SRRM2: variants seen among roughly 807,000 people sequenced by gnomAD.
The protein encoded by SRRM2 is serine/arginine repetitive matrix 2, also known as serine/arginine repetitive matrix protein 2.
A neutral mutation model predicts 213.8 loss-of-function variants in SRRM2; 30 were observed. That is an observed-to-expected ratio of 0.14 (90% confidence interval 0.10 to 0.19). The LOEUF (loss-of-function observed/expected upper bound fraction) is 0.19. Among genes scored for constraint, SRRM2 ranks in the 10% least tolerant of loss-of-function variants. SRRM2 has a pLI of 1.00. For synonymous variants in SRRM2, 2,025 were observed against 1,377.7 expected (o/e 1.47, Z -10.40); for missense variants, 4,904 against 3,647.0 (o/e 1.34, Z -8.88).
At chr16:2,752,989 C>G (rs1041747845) in intron 1 of SRRM2, 143 bp downstream of exon 1, 28 of 153,482 alleles carry the variant, frequency 1.8e-4, no homozygotes, top group Admixed American at 1.0e-3. Context: ...CGCGGACGCC[C>G]TCGCCTCCCT....
In SRRM2 at chr16:2,764,415, T is replaced by G. The variant is rs779286264; in HGVS notation, c.3887T>G (p.Val1296Gly). ...QSQSQASLEAVEVPSMASSWG... is the reference protein window; with the variant it reads ...QSQSQASLEAGEVPSMASSWG... ...CAGTCACAGGCTTCTTTGGAAGCAG[T>G]AGAAGTCCCTTCAATGGCCTCATCT... is the stretch of plus-strand genomic sequence containing the variant. The change falls in exon 11 of 15, where the codon GTA (valine) becomes GGA (glycine). Residue 1296 changes from valine (V) to glycine (G), a missense_variant. Coordinates refer to ENST00000301740, the MANE Select transcript of SRRM2 (RefSeq NM_016333.4). 3 of 1,613,184 alleles carry G rather than the reference T, an allele frequency of 1.9e-6. No homozygotes were observed. The highest frequency in any genetic ancestry group is 2.2e-5 in the South Asian group (2 of 90,892).
At position 2,763,242 on chromosome 16, in the gene SRRM2, C is replaced by T. The variant is rs2068424841; in HGVS notation, c.2714C>T (p.Pro905Leu). The change falls in exon 11 of 15, where the codon CCC becomes CTC. Residue 905 changes from proline to leucine, a missense_variant. Physicochemically the swap from Pro to Leu is moderately conservative, Grantham distance 98 (BLOSUM62 -3). Transcript: ENST00000301740. ...SPPRVKSSTP[P>L]RQSPSRSSSP... ...CCTAGAGTGAAATCTAGCACACCTC[C>T]CAGACAGAGCCCATCTAGGTCATCA... The T allele has an allele frequency of 1.9e-6, 3 of 1,614,124 alleles. No individual in the cohort carries two copies. Among genetic ancestry groups the T allele is most frequent in the Non-Finnish European group, 2.5e-6 (3 of 1,180,024 alleles).
At position 2,764,275 on chromosome 16, in the gene SRRM2, A is replaced by G; in HGVS notation, c.3747A>G (p.Ala1249=). The change falls in exon 11 of 15, where the codon GCA becomes GCG. Residue 1249 remains alanine, a synonymous_variant. Transcript: ENST00000301740. ...MEVVEKSEEP[A]GQILSHLSSE... The stretch of plus-strand genomic sequence containing the variant: ...TGGTAGAGAAGTCTGAAGAACCCGC[A>G]GGCCAAATCCTGTCTCATTTGTCTT... The G allele has an allele frequency of 6.2e-7, 1 of 1,613,958 alleles. No individual in the cohort carries two copies. The highest frequency in any genetic ancestry group is 8.5e-7 in the Non-Finnish European group (1 of 1,179,976).
At position 2,762,558 on chromosome 16, in the gene SRRM2, G is replaced by T; in HGVS notation, c.2030G>T (p.Arg677Leu). 1 of 1,613,802 alleles carries T rather than the reference G, an allele frequency of 6.2e-7. No homozygotes were observed. Among genetic ancestry groups the T allele is most frequent in the Non-Finnish European group, 8.5e-7 (1 of 1,179,970 alleles). The stretch of plus-strand genomic sequence containing the variant: ...TCACGCTCTAGAACCCCAGCTAGAC[G>T]CAGTGGTCGCTCACGCTCCAGAACA... The part of the protein sequence containing the change: ...GRSRSRTPAR[R>L]SGRSRSRTPA... Residue 677 changes from arginine (R) to leucine (L), a missense_variant, in exon 11 of 15, where the codon CGC becomes CTC. Arg to Leu is a moderately radical substitution (Grantham distance 102, BLOSUM62 -2). Transcript: ENST00000301740.
At chr16:2,758,236 C>A (rs1473417657) in intron 4 of SRRM2, among the ~76,000 whole-genome samples, 1 of 152,152 alleles carries the variant, frequency 6.6e-6, no homozygotes, top group African/African-American at 2.4e-5. Context: ...TGGTTGGTGG[C>A]ACATGCCTGT....
rs1288757768 is a variant in SRRM2, at chr16:2,768,206, T to G, written c.7678T>G (p.Ser2560Ala). 3 of 1,604,004 alleles carry G rather than the reference T, an allele frequency of 1.9e-6. No individual in the cohort carries two copies. The highest frequency in any genetic ancestry group is 2.6e-6 in the Non-Finnish European group (3 of 1,174,630). Residue 2560 changes from serine to alanine, a missense_variant, in exon 11 of 15, where the codon TCT becomes GCT. Coordinates refer to ENST00000301740, the MANE Select transcript of SRRM2 (RefSeq NM_016333.4). The stretch of plus-strand genomic sequence containing the variant: ...GTCCTCCTCCTCCTCTGGCTCCAGT[T>G]CTAGTGACTCAGAGGGCTCTAGCCT... ...SSSSSSSGSS[S>A]SDSEGSSLPV...
chr16:2,765,165 A>T lies in SRRM2; in HGVS notation c.4637A>T (p.Asp1546Val). ...RSRSGSSQEL[D>V]VKPSASPQER... is the part of the protein sequence containing the mutation. ...CGTTCGGGATCCTCTCAAGAACTTG[A>T]TGTGAAACCCAGTGCATCCCCTCAG... The change falls in exon 11 of 15, where the codon GAT (aspartate) becomes GTT (valine). Residue 1546 changes from aspartate (D) to valine (V), a missense_variant. By Grantham distance (152) the Asp-to-Val change is radical (BLOSUM62 -3). Coordinates refer to ENST00000301740, the MANE Select transcript of SRRM2 (RefSeq NM_016333.4). 2 of 1,614,200 alleles carry T rather than the reference A, an allele frequency of 1.2e-6. No individual in the cohort carries two copies. Among genetic ancestry groups the T allele is most frequent in the African/African-American group, 1.3e-5 (1 of 75,042 alleles).
chr16:2,768,410 C>T (rs2068620177), intron 11 of SRRM2, 149 bp downstream of exon 11: 1 of 853,432 alleles, frequency 1.2e-6, no homozygotes, highest in Non-Finnish European at 1.8e-6. Context: ...GAAGAGAATG[C>T]TGGGGCAGGG....
At position 2,771,368 on chromosome 16, in the gene SRRM2, GC is replaced by G; in HGVS notation, c.*502del. 1 of 1,597,100 alleles carries G rather than the reference GC, an allele frequency of 6.3e-7. No homozygotes were observed. The highest frequency in any genetic ancestry group is 8.6e-7 in the Non-Finnish European group (1 of 1,165,578). On this transcript the variant is annotated 3_prime_UTR_variant, in exon 15 of 15. Coordinates refer to ENST00000301740, the MANE Select transcript of SRRM2 (RefSeq NM_016333.4). ...ATTTTGGTTTTTTAAAATCTGTACAGCAAGAGCAACTTTTTCTGTCAAATAA... is the reference window on the plus strand; with the variant it reads ...ATTTTGGTTTTTTAAAATCTGTACAGAAGAGCAACTTTTTCTGTCAAATAA...
rs765710759 is a variant in SRRM2, at chr16:2,768,133, G to C, written c.7605G>C (p.Ser2535=). The C allele has an allele frequency of 5.3e-5, 86 of 1,612,866 alleles. No individual in the cohort carries two copies. Among genetic ancestry groups the C allele is most frequent in the East Asian group, 3.3e-4 (15 of 44,862 alleles). The stretch of plus-strand genomic sequence containing the variant: ...CAAAGGAGCGGCGGAGTTCCTCCTC[G>C]TCGTCGTCGTCCTCTAGCTCCTCCT... ...QPAKERRSSS[S]SSSSSSSSSS... The change falls in exon 11 of 15, where the codon TCG becomes TCC. Residue 2535 remains serine, a synonymous_variant. Coordinates refer to ENST00000301740, the MANE Select transcript of SRRM2 (RefSeq NM_016333.4).
chr16:2,767,776 A>G lies in SRRM2; in HGVS notation c.7248A>G (p.Gln2416=), dbSNP rs1282684912. ...GAACACCACCGTCTGCCCCAAGCCA[A>G]TCTAGGATGACCTCTGAACGGGCTC... ...RSRTPPSAPS[Q]SRMTSERAPS... is the part of the protein sequence containing the mutation. Residue 2416 remains glutamine, a synonymous_variant, in exon 11 of 15, where the codon CAA becomes CAG. Coordinates refer to ENST00000301740, the MANE Select transcript of SRRM2 (RefSeq NM_016333.4). The G allele has an allele frequency of 2.5e-6, 4 of 1,613,478 alleles. No individual in the cohort carries two copies. Among genetic ancestry groups the G allele is most frequent in the Admixed American group, 3.3e-5 (2 of 59,934 alleles).
chr16:2,770,784 T>C, intron 14 of SRRM2, 67 bp downstream of exon 14: 1 of 1,610,078 alleles, frequency 6.2e-7, no homozygotes, highest in Admixed American at 1.7e-5. Context: ...GCGGCCCCAT[T>C]TTGGGAGTGG....
rs1275682792 is a variant in SRRM2 at position 2,767,162 on chromosome 16, C to G, written c.6634C>G (p.Pro2212Ala). The change falls in exon 11 of 15, where the codon CCA becomes GCA. Residue 2212 changes from proline to alanine, a missense_variant. Pro to Ala is a conservative substitution (Grantham distance 27, BLOSUM62 -1). Coordinates refer to ENST00000301740, the MANE Select transcript of SRRM2 (RefSeq NM_016333.4). Reference protein sequence around the residue: ...AGLAARMSQVPAPVPLMSLRT... With the variant: ...AGLAARMSQVAAPVPLMSLRT... ...CCTTGCTGCAAGAATGTCCCAGGTT[C>G]CAGCCCCGGTGCCTCTCATGAGTCT... 6.2e-7 allele frequency: 1 copy of G among 1,614,226 alleles called. No homozygotes were observed. The highest frequency in any genetic ancestry group is 1.7e-5 in the Admixed American group (1 of 60,036).
chr16:2,767,889 C>G lies in SRRM2; in HGVS notation c.7361C>G (p.Ala2454Gly), dbSNP rs541442217. The change falls in exon 11 of 15, where the codon GCT (alanine) becomes GGT (glycine). Residue 2454 changes from alanine to glycine, a missense_variant. Coordinates refer to ENST00000301740, the MANE Select transcript of SRRM2 (RefSeq NM_016333.4). ...QDQPRSPVPS[A>G]FSDQSRCLIA... Reference sequence around the variant, plus strand: ...CAGCCGAGGTCTCCTGTGCCTTCTGCTTTTTCAGACCAATCCCGTTGTTTG... The same window carrying G: ...CAGCCGAGGTCTCCTGTGCCTTCTGGTTTTTCAGACCAATCCCGTTGTTTG... The G allele has an allele frequency of 3.7e-6, 6 of 1,614,148 alleles. No individual in the cohort carries two copies. The East Asian group carries it at 6.7e-5, about 18-fold the overall frequency.
chr16:2,764,272 C>G lies in SRRM2; in HGVS notation c.3744C>G (p.Pro1248=). ...AGGTGGTAGAGAAGTCTGAAGAACC[C>G]GCAGGCCAAATCCTGTCTCATTTGT... ...LMEVVEKSEE[P]AGQILSHLSS... The change falls in exon 11 of 15, where the codon CCC becomes CCG. Residue 1248 remains proline (P), a synonymous_variant. Coordinates refer to ENST00000301740, the MANE Select transcript of SRRM2 (RefSeq NM_016333.4). 6.2e-7 allele frequency: 1 copy of G among 1,613,862 alleles called. No individual in the cohort carries two copies. Among genetic ancestry groups the G allele is most frequent in the African/African-American group, 1.3e-5 (1 of 75,002 alleles).
At position 2,766,393 on chromosome 16, in the gene SRRM2, C is replaced by G; in HGVS notation, c.5865C>G (p.Arg1955=). ...RSRSRTPPVT[R]RRSRSRTPPV... Reference sequence around the variant, plus strand: ...GTTCTAGAACTCCACCAGTGACTCGCAGAAGGTCCAGATCCAGGACTCCAC... The same window carrying G: ...GTTCTAGAACTCCACCAGTGACTCGGAGAAGGTCCAGATCCAGGACTCCAC... The change falls in exon 11 of 15, where the codon CGC becomes CGG. Residue 1955 remains arginine, a synonymous_variant. Transcript: ENST00000301740. The surrounding 1 kb of genome is among the most constrained non-coding windows in gnomAD (Gnocchi z 7.0). 1 of 1,612,978 alleles carries G rather than the reference C, an allele frequency of 6.2e-7. No individual in the cohort carries two copies. Among genetic ancestry groups the G allele is most frequent in the Non-Finnish European group, 8.5e-7 (1 of 1,179,734 alleles).
At position 2,767,835 on chromosome 16, in the gene SRRM2, C is replaced by T. The variant is rs1203620898; in HGVS notation, c.7307C>T (p.Ser2436Leu). ...TCCTCTAGAATGGGCCAGGCTCCTT[C>T]ACAGTCTCTTCTCCCTCCAGCACAG... is the stretch of plus-strand genomic sequence containing the variant. ...SPSSRMGQAP[S>L]QSLLPPAQDQ... The change falls in exon 11 of 15, where the codon TCA (serine) becomes TTA (leucine). Residue 2436 changes from serine to leucine, a missense_variant. Transcript: ENST00000301740. The T allele has an allele frequency of 6.2e-7, 1 of 1,613,956 alleles. No homozygotes were observed. The highest frequency in any genetic ancestry group is 1.3e-5 in the African/African-American group (1 of 74,880).
chr16:2,754,512 A>G (rs961996573), intron 1 of SRRM2, among the ~76,000 whole-genome samples: 11 of 152,084 alleles, frequency 7.2e-5, no homozygotes, highest in African/African-American at 2.7e-4. Context: ...GGCTGGTGTC[A>G]ATCTCCTGAT....
rs145082336 is a variant in SRRM2 at position 2,764,773 on chromosome 16, G to C, written c.4245G>C (p.Ser1415=). The C allele has an allele frequency of 5.0e-6, 8 of 1,614,122 alleles. No homozygotes were observed. The highest frequency in any genetic ancestry group is 3.3e-5 in the South Asian group (3 of 91,080). Residue 1415 remains serine, a synonymous_variant, in exon 11 of 15, where the codon TCG becomes TCC. Transcript: ENST00000301740. The part of the protein sequence containing the change: ...PVLDAVPRTP[S]RERSSSASSP... ...TTGATGCTGTACCCAGAACACCCTC[G>C]AGAGAAAGAAGTAGTTCTGCATCTT... is the stretch of plus-strand genomic sequence containing the variant.
Sources: allele counts gnomAD v4.1 joint callset (sites outside exome capture counted in the v4.1 genomes callset), GRCh38; gene constraint gnomAD v4.1.1; non-coding constraint Gnocchi (gnomAD v3.1); transcripts MANE v1.5; gene names NCBI Gene and HGNC (gene_info 2026-07-23, HGNC 2026-07-21).